Variants in SPDYE10 observed in about 807,000 individuals in gnomAD.
The protein encoded by SPDYE10 is speedy/RINGO cell cycle regulator family member E10.
At chr7:73,137,948 G>A in the SPDYE10 span, among the ~76,000 whole-genome samples, 1 of 145,238 alleles carries the variant, frequency 6.9e-6, no homozygotes, top group Non-Finnish European at 1.5e-5. Context: ...GGGAAGGGAA[G>A]GGGAAGGGAA....
the SPDYE10 span, among the ~76,000 whole-genome samples, chr7:73,134,565 G>GAAAGAAAGAAAGAAAGAA: frequency 2.6e-5 from 4 of 152,018 alleles, no homozygotes; most frequent in Admixed American, 2.0e-4. Flanking sequence ...AAGAAAGAAA[G>GAAAGAAAGAAAGAAAGAA]AAACCGTGCA....
chr7:73,151,683 A>C, the SPDYE10 span, among the ~76,000 whole-genome samples: 3 of 54,928 alleles, frequency 5.5e-5, no homozygotes, highest in African/African-American at 1.2e-4. Flanking sequence ...CTAGTTTCTT[A>C]TATTTTTATT....
At chr7:73,135,036 G>A in the SPDYE10 span, among the ~76,000 whole-genome samples, 3 of 152,304 alleles carry the variant, frequency 2.0e-5, no homozygotes, top group Non-Finnish European at 4.4e-5. Flanking sequence ...CCTATGGACA[G>A]CCTGGAGCTG....
At chr7:73,116,775 C>G in the SPDYE10 span, among the ~76,000 whole-genome samples, 1 of 150,456 alleles carries the variant, frequency 6.6e-6, no homozygotes, top group African/African-American at 2.5e-5. Flanking sequence ...GTTGGGGGAT[C>G]TTGCTACGTT....
the SPDYE10 span, among the ~76,000 whole-genome samples, chr7:73,115,380 G>C: frequency 2.6e-5 from 4 of 151,972 alleles, no homozygotes; most frequent in Non-Finnish European, 4.4e-5. Context: ...GTAGAGGAGC[G>C]GAGAGGGAGA....
the SPDYE10 span, among the ~76,000 whole-genome samples, chr7:73,140,861 T>C: frequency 1.3e-5 from 2 of 149,822 alleles, no homozygotes; most frequent in African/African-American, 4.9e-5. Context: ...CCTCAAGTGA[T>C]CCACCCCCCT....
At chr7:73,113,950 C>G in the SPDYE10 span, among the ~76,000 whole-genome samples, 8 of 151,688 alleles carry the variant, frequency 5.3e-5, no homozygotes, top group East Asian at 1.4e-3. Flanking sequence ...GGCGTGAACC[C>G]AGGAGGCGGC....
At chr7:73,109,706 C>CA in the SPDYE10 span, 348 of 68,070 alleles carry the variant, frequency 5.1e-3, no homozygotes, top group Middle Eastern at 9.1e-3. Context: ...AAAACAAAAA[C>CA]AAAAAAAAAC....
chr7:73,128,019 A>G, the SPDYE10 span, among the ~76,000 whole-genome samples: 1 of 145,498 alleles, frequency 6.9e-6, no homozygotes, highest in African/African-American at 2.6e-5. Context: ...AGGAATGTTT[A>G]TTGCAACATT....
the SPDYE10 span, among the ~76,000 whole-genome samples, chr7:73,134,541 G>GAAAGAAAGAAAGAAAGA: frequency 2.0e-5 from 3 of 151,566 alleles, no homozygotes; most frequent in East Asian, 5.8e-4. Context: ...GAAAGAAAAA[G>GAAAGAAAGAAAGAAAGA]AAAGAAAGAA....
the SPDYE10 span, among the ~76,000 whole-genome samples, chr7:73,135,365 C>T: frequency 6.6e-6 from 1 of 151,602 alleles, no homozygotes; most frequent in Non-Finnish European, 1.5e-5. Flanking sequence ...ACAAAGGGAG[C>T]CTGCCCTTAA....
chr7:73,131,538 TCTTTTTC>T, the SPDYE10 span, among the ~76,000 whole-genome samples: 1 of 146,712 alleles, frequency 6.8e-6, no homozygotes, highest in Non-Finnish European at 1.5e-5. Context: ...TTTTTATTTT[TCTTTTTC>T]CTTTTTGAGA....
the SPDYE10 span, among the ~76,000 whole-genome samples, chr7:73,127,082 C>A: frequency 7.5e-5 from 1 of 13,354 alleles, no homozygotes; most frequent in Admixed American, 8.7e-4. Context: ...CCACGCCTGG[C>A]TTTTTTTTTT....
the SPDYE10 span, among the ~76,000 whole-genome samples, chr7:73,141,111 C>CACACAG: frequency 2.1e-3 from 300 of 144,584 alleles, no homozygotes; most frequent in African/African-American, 7.5e-3. Flanking sequence ...CACACACACA[C>CACACAG]AGACAAAATT....
At chr7:73,115,002 T>C in the SPDYE10 span, among the ~76,000 whole-genome samples, 3 of 152,214 alleles carry the variant, frequency 2.0e-5, no homozygotes, top group South Asian at 6.2e-4. Flanking sequence ...GTTCAAGCGA[T>C]TCCCCCACCT....
chr7:73,130,245 A>G, the SPDYE10 span, among the ~76,000 whole-genome samples: 3 of 151,090 alleles, frequency 2.0e-5, no homozygotes, highest in African/African-American at 7.4e-5. Flanking sequence ...CTTGAGCCCA[A>G]GAGTTCAAGA....
At chr7:73,123,776 T>TCC in the SPDYE10 span, among the ~76,000 whole-genome samples, 12 of 150,126 alleles carry the variant, frequency 8.0e-5, no homozygotes, top group African/African-American at 2.7e-4. Context: ...TCTCTCTCTC[T>TCC]CTCTCTCTCT....
the SPDYE10 span, among the ~76,000 whole-genome samples, chr7:73,113,959 G>A: frequency 2.0e-5 from 3 of 151,336 alleles, no homozygotes; most frequent in African/African-American, 7.3e-5. Flanking sequence ...CCAGGAGGCG[G>A]CACTTGCAGT....
the SPDYE10 span, among the ~76,000 whole-genome samples, chr7:73,131,300 G>A: frequency 1.8e-3 from 266 of 148,476 alleles, 5 homozygotes; most frequent in African/African-American, 6.5e-3. Flanking sequence ...CTTCCACTGA[G>A]CCCAGGAGAA....
Sources: gnomAD v4.1 joint callset for allele counts (sites outside exome capture counted in the v4.1 genomes callset) on GRCh38, gnomAD v4.1.1 for gene constraint, MANE v1.5 for transcripts, NCBI Gene and HGNC (gene_info 2026-07-23, HGNC 2026-07-21) for gene names.